The following KALRN variants were observed in gnomAD, a reference collection of about 807,000 sequenced individuals.
KALRN encodes kalirin RhoGEF kinase.
In KALRN, 70 loss-of-function variants were observed where a neutral mutation model predicts 353.7. That is an observed-to-expected ratio of 0.20 (90% CI 0.16 to 0.24). The LOEUF (loss-of-function observed/expected upper bound fraction) is 0.24. Among genes scored for constraint, KALRN ranks in the 10% least tolerant of loss-of-function variants. The probability of loss-of-function intolerance (pLI) is 1.00; values close to 1 mark genes in which losing one functional copy is unlikely to be tolerated. For missense variants in KALRN, 2,791 were observed against 3,756.7 expected, an observed-to-expected ratio of 0.74 and a Z score of 6.72; for synonymous variants, 1,391 against 1,434.8, an observed-to-expected ratio of 0.97 and a Z score of 0.69.
chr3:124,207,146 G>C (rs1476921688), intron 1 of KALRN, among the ~76,000 whole-genome samples: 1 of 152,210 alleles, frequency 6.6e-6, no homozygotes, highest in Admixed American at 6.5e-5. Context: ...ACCAGAGTTT[G>C]CAAGTTGGGG....
At chr3:124,551,914 C>T (rs1420523417) in intron 33 of KALRN, among the ~76,000 whole-genome samples, 1 of 152,188 alleles carries the variant, frequency 6.6e-6, no homozygotes, top group African/African-American at 2.4e-5. Flanking sequence ...AGGCTGGACT[C>T]ATTAGGCTTG....
chr3:124,201,485 T>C (rs1166342048), intron 1 of KALRN, among the ~76,000 whole-genome samples: 1 of 152,240 alleles, frequency 6.6e-6, no homozygotes, highest in Non-Finnish European at 1.5e-5. Flanking sequence ...TTTTCTTTTT[T>C]AGGAAATAAG....
chr3:124,639,069 A>G (rs1198368125), intron 37 of KALRN, among the ~76,000 whole-genome samples: 1 of 152,160 alleles, frequency 6.6e-6, no homozygotes, highest in African/African-American at 2.4e-5. Flanking sequence ...CTAGTTATTT[A>G]TTTGGTTGTT....
At chr3:124,336,304 T>A (rs2081131313) in intron 9 of KALRN, among the ~76,000 whole-genome samples, 1 of 152,130 alleles carries the variant, frequency 6.6e-6, no homozygotes, top group Non-Finnish European at 1.5e-5. Context: ...TGCCTACTCC[T>A]GCCATCTGGA....
At chr3:124,125,155 G>A (rs1250519827) in intron 1 of KALRN, among the ~76,000 whole-genome samples, 1 of 152,102 alleles carries the variant, frequency 6.6e-6, no homozygotes, top group Non-Finnish European at 1.5e-5. Flanking sequence ...TTTACAAAAG[G>A]GTTTCACATG....
chr3:124,314,179 G>C (rs1201967180), intron 6 of KALRN, among the ~76,000 whole-genome samples: 1 of 152,074 alleles, frequency 6.6e-6, no homozygotes, highest in Non-Finnish European at 1.5e-5. Flanking sequence ...CATAAAAAAG[G>C]ATGAGTTCAT....
chr3:124,281,079 G>C (rs1406517270), intron 5 of KALRN, among the ~76,000 whole-genome samples: 1 of 152,010 alleles, frequency 6.6e-6, no homozygotes, highest in Non-Finnish European at 1.5e-5. Context: ...AAAAAAACAC[G>C]CAAAGGAATA....
chr3:124,535,649 A>T (rs1577794505), intron 33 of KALRN, among the ~76,000 whole-genome samples: 1 of 152,350 alleles, frequency 6.6e-6, no homozygotes, highest in East Asian at 1.9e-4. Flanking sequence ...ATAGAAAAAC[A>T]CAGAGATTAA....
chr3:124,236,846 CAG>C (rs1399511429), intron 3 of KALRN, among the ~76,000 whole-genome samples: 1 of 152,188 alleles, frequency 6.6e-6, no homozygotes. Context: ...CTCTGCTTCT[CAG>C]GGGGTGGTCA....
At chr3:124,540,132 G>T (rs1345965625) in intron 33 of KALRN, among the ~76,000 whole-genome samples, 2 of 152,124 alleles carry the variant, frequency 1.3e-5, no homozygotes, top group East Asian at 3.8e-4. Context: ...TGTTGCCCAG[G>T]CTGGTCTCAA....
intron 48 of KALRN, among the ~76,000 whole-genome samples, chr3:124,673,279 C>G (rs2086704748): frequency 6.6e-6 from 1 of 151,730 alleles, no homozygotes; most frequent in African/African-American, 2.4e-5. Flanking sequence ...CCTGTTGTCC[C>G]AGATACTGAG....
chr3:124,098,276 A>G (rs892771680), intron 1 of KALRN, among the ~76,000 whole-genome samples: 1 of 152,164 alleles, frequency 6.6e-6, no homozygotes, highest in Non-Finnish European at 1.5e-5. Context: ...GGCACAGTCC[A>G]GAAGACAATC....
At chr3:124,303,710 A>G (rs1009737455) in intron 6 of KALRN, among the ~76,000 whole-genome samples, 1 of 152,208 alleles carries the variant, frequency 6.6e-6, no homozygotes, top group Non-Finnish European at 1.5e-5. Context: ...GACTGTGAGG[A>G]TTCACAGTAG....
At chr3:124,078,927 G>T in intron 1 of KALRN, among the ~76,000 whole-genome samples, 1 of 152,146 alleles carries the variant, frequency 6.6e-6, no homozygotes, top group Non-Finnish European at 1.5e-5. Context: ...GAGACAGAAA[G>T]TTTTCTCTTT....
At chr3:124,657,930 G>C (rs950774181) in intron 41 of KALRN, 127 bp downstream of exon 41, 5 of 705,278 alleles carry the variant, frequency 7.1e-6, no homozygotes, top group Non-Finnish European at 1.2e-5. Flanking sequence ...AAGGTGGGAG[G>C]GTGGCTTGAC....
rs927894309 is a variant in KALRN at position 124,508,252 on chromosome 3, T to C, written c.4935+11839T>C. On this transcript the variant is annotated intron_variant, in intron 33 of 59. Transcript: ENST00000682506. ...ACCATGCAGGTCATGAAATAGAACA[T>C]TGCTGGCTTTTCAGAATCCCCGTTT... Among the ~76,000 whole-genome samples, 4 of 152,174 alleles carry C rather than the reference T, an allele frequency of 2.6e-5. No homozygotes were observed. In the South Asian group the frequency reaches 8.3e-4, roughly 32 times the overall value.
intron 33 of KALRN, chr3:124,504,820 C>T (rs916944628): frequency 6.2e-5 from 29 of 470,810 alleles, no homozygotes; most frequent in Non-Finnish European, 1.2e-4. Flanking sequence ...AGTTCAGCCC[C>T]ACCACAGCCC....
At chr3:124,601,131 T>C (rs886191100) in intron 34 of KALRN, among the ~76,000 whole-genome samples, 1 of 152,224 alleles carries the variant, frequency 6.6e-6, no homozygotes, top group African/African-American at 2.4e-5. Flanking sequence ...GTGACCTAAC[T>C]TTATGGCAAT....
At chr3:124,652,972 C>T (rs2083586526) in intron 38 of KALRN, among the ~76,000 whole-genome samples, 1 of 152,222 alleles carries the variant, frequency 6.6e-6, no homozygotes, top group South Asian at 2.1e-4. Flanking sequence ...TTTGCTGTCT[C>T]TTTTGCCCAC....
Sources: gnomAD v4.1 joint callset for allele counts (sites outside exome capture counted in the v4.1 genomes callset) on GRCh38, gnomAD v4.1.1 for gene constraint, MANE v1.5 for transcripts, NCBI Gene and HGNC (gene_info 2026-07-23, HGNC 2026-07-21) for gene names.